Variants in PCDHGA6 observed in about 807,000 individuals in gnomAD.
PCDHGA6 encodes the protein protocadherin gamma-A6.
A neutral mutation model predicts 60.6 loss-of-function variants in PCDHGA6; 41 were observed. That is an observed-to-expected ratio of 0.68 (90% CI 0.53 to 0.88). The LOEUF (loss-of-function observed/expected upper bound fraction) is 0.88. PCDHGA6 is among the 40% of genes least tolerant of loss of function. The probability of loss-of-function intolerance (pLI) is 0.00; values close to 1 mark genes in which losing one functional copy is unlikely to be tolerated. For synonymous variants in PCDHGA6, 594 were observed against 524.4 expected, an observed-to-expected ratio of 1.13 and a Z score of -1.81; for missense variants, 1,312 against 1,203.0, an observed-to-expected ratio of 1.09 and a Z score of -1.34.
intron 1 of PCDHGA6, among the ~76,000 whole-genome samples, chr5:141,437,623 T>G (rs887878119): frequency 3.3e-5 from 5 of 152,172 alleles, no homozygotes; most frequent in Non-Finnish European, 7.4e-5. Context: ...TATCCCCATA[T>G]AAGATGTCAG....
chr5:141,404,350 C>T (rs757103755), intron 1 of PCDHGA6: 1 of 1,613,894 alleles, frequency 6.2e-7, no homozygotes, highest in Non-Finnish European at 8.5e-7. Flanking sequence ...AAAACAACGC[C>T]AGAGGTACTT....
chr5:141,507,559 G>T (rs542787142), intron 3 of PCDHGA6, among the ~76,000 whole-genome samples: 1 of 152,368 alleles, frequency 6.6e-6, no homozygotes, highest in African/African-American at 2.4e-5. Flanking sequence ...GTGGCAGGCG[G>T]CTGGGTCTGA....
chr5:141,393,263 A>C, intron 1 of PCDHGA6: 1 of 1,613,926 alleles, frequency 6.2e-7, no homozygotes, highest in Non-Finnish European at 8.5e-7. Flanking sequence ...TTCCTGGAGC[A>C]CGTTATCCAC....
chr5:141,476,665 C>T lies in PCDHGA6; in HGVS notation c.2425-18142C>T. On this transcript the variant is annotated intron_variant, in intron 1 of 3. Coordinates refer to ENST00000517434, the MANE Select transcript of PCDHGA6 (RefSeq NM_018919.3). This position sits in a 1 kb window ranked among gnomAD's most constrained non-coding sequence, Gnocchi z 7.6. ...GCCGAAATGAATACTTTGCGCTTCG[C>T]GTGCAGACGCGGGAGGACAGCACCA... 6.2e-7 allele frequency: 1 copy of T among 1,614,240 alleles called. No homozygotes were observed. Among genetic ancestry groups the T allele is most frequent in the East Asian group, 2.2e-5 (1 of 44,882 alleles).
chr5:141,393,373 A>G lies in PCDHGA6; in HGVS notation c.2424+16866A>G, dbSNP rs1364997808. 1 of 1,613,956 alleles carries G rather than the reference A, an allele frequency of 6.2e-7. No homozygotes were observed. The highest frequency in any genetic ancestry group is 1.3e-5 in the African/African-American group (1 of 75,054). On this transcript the variant is annotated intron_variant, in intron 1 of 3. Transcript: ENST00000517434. ...TCCCTGGACGTGCAGACTGGAGACA[A>G]TGGAGCCATAAACCCAGAGCTGGTG...
At chr5:141,379,806 A>C (rs965954468) in intron 1 of PCDHGA6, among the ~76,000 whole-genome samples, 2 of 150,310 alleles carry the variant, frequency 1.3e-5, no homozygotes, top group African/African-American at 4.9e-5. Context: ...AGGTTTTGAG[A>C]GTTCAGTATA....
intron 1 of PCDHGA6, chr5:141,428,419 C>G: frequency 4.4e-6 from 2 of 451,920 alleles, no homozygotes; most frequent in Non-Finnish European, 4.1e-6. Flanking sequence ...TCACCCTGGT[C>G]TCTGTTCTAA....
intron 1 of PCDHGA6, chr5:141,398,937 C>T (rs2093727338): frequency 1.9e-6 from 3 of 1,613,902 alleles, no homozygotes; most frequent in Non-Finnish European, 2.5e-6. Flanking sequence ...CTGACCAAGA[C>T]GAGGGCATCA....
intron 1 of PCDHGA6, among the ~76,000 whole-genome samples, chr5:141,472,815 C>T (rs1562036829): frequency 1.3e-5 from 2 of 151,596 alleles, no homozygotes; most frequent in East Asian, 1.9e-4. Flanking sequence ...GAGAAACCCC[C>T]GTCTCTACTA....
At chr5:141,428,117 G>T in intron 1 of PCDHGA6, 2 of 1,607,102 alleles carry the variant, frequency 1.2e-6, no homozygotes, top group East Asian at 2.2e-5. Context: ...AGGCCATCGA[G>T]CCCGGGCTTT....
chr5:141,477,171 TCA>T lies in PCDHGA6; in HGVS notation c.2425-17633_2425-17632del, dbSNP rs772104411. On this transcript the variant is annotated intron_variant, in intron 1 of 3. Transcript: ENST00000517434. This position sits in a 1 kb window ranked among gnomAD's most constrained non-coding sequence, Gnocchi z 4.9. ...GATGTGAATGACAACGCCCCGGAGA[TCA>T]CAGTCACCTCCGTGTACAGCCCAGT... 6.2e-7 allele frequency: 1 copy of T among 1,614,072 alleles called. No individual in the cohort carries two copies. Among genetic ancestry groups the T allele is most frequent in the Non-Finnish European group, 8.5e-7 (1 of 1,179,988 alleles).
Position 141,491,722 on chromosome 5 carries a change from CG to C in PCDHGA6, c.2425-3082del. Reference sequence around the variant, plus strand: ...CCAGGTGAGGGGCTCGGCGCCGCCCCGGGCGACCCCTGGGGGCGGCACTGGA... The same window carrying C: ...CCAGGTGAGGGGCTCGGCGCCGCCCCGGCGACCCCTGGGGGCGGCACTGGA... On this transcript the variant is annotated intron_variant, in intron 1 of 3. Transcript: ENST00000517434. The surrounding 1 kb of genome is among the most constrained non-coding windows in gnomAD (Gnocchi z 6.9). The C allele has an allele frequency of 1.2e-6, 2 of 1,607,004 alleles. No homozygotes were observed. Among genetic ancestry groups the C allele is most frequent in the Non-Finnish European group, 1.7e-6 (2 of 1,177,148 alleles).
intron 1 of PCDHGA6, chr5:141,442,416 T>A (rs2098323395): frequency 6.6e-6 from 1 of 152,206 alleles, no homozygotes; most frequent in Non-Finnish European, 1.5e-5. Flanking sequence ...CTGAGTGAAC[T>A]TCTTTTTTGA....
At chr5:141,462,043 G>C (rs1310987622) in intron 1 of PCDHGA6, among the ~76,000 whole-genome samples, 1 of 152,100 alleles carries the variant, frequency 6.6e-6, no homozygotes, top group Non-Finnish European at 1.5e-5. Flanking sequence ...GGCGGGTCTT[G>C]AACTCCCGAC....
intron 1 of PCDHGA6, chr5:141,384,578 C>T: frequency 5.0e-6 from 8 of 1,614,256 alleles, no homozygotes; most frequent in Non-Finnish European, 6.8e-6. Flanking sequence ...GACAACCCGC[C>T]CGAGATCCTG....
At chr5:141,419,644 C>T (rs867285747) in intron 1 of PCDHGA6, 1 of 1,612,514 alleles carries the variant, frequency 6.2e-7, no homozygotes, top group Middle Eastern at 1.7e-4. Context: ...TGGCCGTGGA[C>T]GCGGACTCGG....
intron 1 of PCDHGA6, among the ~76,000 whole-genome samples, chr5:141,434,692 A>G (rs891952554): frequency 8.5e-5 from 13 of 152,082 alleles, no homozygotes; most frequent in African/African-American, 2.4e-4. Flanking sequence ...CTTGCTGTTA[A>G]TAAATATGTG....
rs2099669219 is a variant in PCDHGA6, at chr5:141,487,927, C to T, written c.2425-6880C>T. 3 of 626,498 alleles carry T rather than the reference C, an allele frequency of 4.8e-6. No homozygotes were observed. Among genetic ancestry groups the T allele is most frequent in the Admixed American group, 5.9e-5 (2 of 34,100 alleles). The allele number at this position is 626,498 out of a possible 1,614,324, so 38.8% of individuals were successfully genotyped here. On this transcript the variant is annotated intron_variant, in intron 1 of 3. Coordinates refer to ENST00000517434, the MANE Select transcript of PCDHGA6 (RefSeq NM_018919.3). The surrounding 1 kb of genome is among the most constrained non-coding windows in gnomAD (Gnocchi z 5.0). ...TGGGAGCACAGGAGGCTACAGTGCA[C>T]AGGGTACAGTGCACCAGGCAGTCAC...
intron 1 of PCDHGA6, among the ~76,000 whole-genome samples, chr5:141,494,199 G>A (rs1033914239): frequency 1.3e-5 from 2 of 152,160 alleles, no homozygotes; most frequent in South Asian, 2.1e-4. Context: ...TGGATGCCCC[G>A]CAAAGGCCCA....
Sources: gnomAD v4.1 joint callset for allele counts (sites outside exome capture counted in the v4.1 genomes callset) on GRCh38, gnomAD v4.1.1 for gene constraint, Gnocchi (gnomAD v3.1) non-coding constraint, MANE v1.5 for transcripts, NCBI Gene and HGNC (gene_info 2026-07-23, HGNC 2026-07-21) for gene names.